The following SESTD1 variants were observed in gnomAD, a reference collection of about 807,000 sequenced individuals.
The protein encoded by SESTD1 is SEC14 and spectrin domain containing 1.
In SESTD1, 43 loss-of-function variants were observed where a neutral mutation model predicts 101.7. The observed-to-expected ratio is 0.42, with a 90% CI of 0.33 to 0.55. The LOEUF (loss-of-function observed/expected upper bound fraction) is 0.55, where lower values mean the gene tolerates loss of function less well. Ranked by LOEUF, SESTD1 falls within the 20% of genes least tolerant of loss-of-function variation. The pLI, the probability that SESTD1 is intolerant of heterozygous loss-of-function variation, is 0.07. For synonymous variants in SESTD1, 283 were observed against 286.8 expected, an observed-to-expected ratio of 0.99 and a Z score of 0.13; for missense variants, 647 against 815.1, an observed-to-expected ratio of 0.79 and a Z score of 2.51.
chr2:179,227,015 A>C (rs1437196926), intron 1 of SESTD1, among the ~76,000 whole-genome samples: 6 of 152,234 alleles, frequency 3.9e-5, no homozygotes, highest in African/African-American at 7.2e-5. Flanking sequence ...ATGTTAAATT[A>C]CATAGTTCAG....
At chr2:179,246,098 C>T (rs6433769) in intron 1 of SESTD1, among the ~76,000 whole-genome samples, 68,842 of 151,662 alleles carry the variant, frequency 0.45, 18,758 homozygotes, top group African/African-American at 0.77. Context: ...CTACTAAAAA[C>T]ACAAAAATTA....
chr2:179,141,683 TATGAC>T (rs2045278652), intron 9 of SESTD1, among the ~76,000 whole-genome samples: 1 of 152,134 alleles, frequency 6.6e-6, no homozygotes, highest in South Asian at 2.1e-4. Context: ...AAGAGGAGAC[TATGAC>T]ATAAGGACCT....
chr2:179,227,387 G>T (rs2046903643), intron 1 of SESTD1, among the ~76,000 whole-genome samples: 1 of 151,970 alleles, frequency 6.6e-6, no homozygotes, highest in Admixed American at 6.6e-5. Flanking sequence ...CCTCTCACTT[G>T]GCAGATTATC....
At chr2:179,230,111 CTCT>C (rs2046962221) in intron 1 of SESTD1, among the ~76,000 whole-genome samples, 1 of 80,358 alleles carries the variant, frequency 1.2e-5, no homozygotes, top group African/African-American at 3.6e-5. Flanking sequence ...TGGATTGTAT[CTCT>C]TTTTTTTTTT....
At position 179,206,388 on chromosome 2, in the gene SESTD1, C is replaced by G. The variant is rs755765035; in HGVS notation, c.-25-14522G>C. Among the ~76,000 whole-genome samples, 2 of 136,102 alleles carry G rather than the reference C, an allele frequency of 1.5e-5. 1 individual carries two copies. The highest frequency in any genetic ancestry group is 3.2e-5 in the Non-Finnish European group (2 of 63,020). The allele number at this position is 136,102 out of a possible 152,430, so 89.3% of individuals were successfully genotyped here. ...TGAACACACATCCCCACTGGGGAAC[C>G]CAAAAATCCAGATCATGGGAGAAGA... On this transcript the variant is annotated intron_variant, in intron 1 of 17. Coordinates refer to ENST00000428443, the MANE Select transcript of SESTD1 (RefSeq NM_178123.5).
chr2:179,220,126 C>G (rs1651389394), intron 1 of SESTD1, among the ~76,000 whole-genome samples: 1 of 152,076 alleles, frequency 6.6e-6, no homozygotes, highest in South Asian at 2.1e-4. Context: ...ATGGTAATGA[C>G]AGCCCACCAC....
chr2:179,153,541 A>T (rs2045569819), intron 5 of SESTD1, among the ~76,000 whole-genome samples: 1 of 152,154 alleles, frequency 6.6e-6, no homozygotes, highest in Non-Finnish European at 1.5e-5. Context: ...TGTATTTTCT[A>T]GTTGTGTCCA....
chr2:179,258,363 C>T (rs1213194674), intron 1 of SESTD1, among the ~76,000 whole-genome samples: 3 of 152,194 alleles, frequency 2.0e-5, no homozygotes, highest in African/African-American at 7.2e-5. Flanking sequence ...TTGTTTCATA[C>T]ATCCCTAGCA....
chr2:179,117,100 T>C (rs757804887), intron 14 of SESTD1, among the ~76,000 whole-genome samples: 1 of 152,224 alleles, frequency 6.6e-6, no homozygotes, highest in Non-Finnish European at 1.5e-5. Flanking sequence ...TTTGTGTTAC[T>C]ACATAAAATC....
chr2:179,111,724 T>TC (rs1352059189), intron 17 of SESTD1, among the ~76,000 whole-genome samples: 8 of 151,046 alleles, frequency 5.3e-5, no homozygotes, highest in Admixed American at 6.6e-5. Context: ...TGATTCTTTT[T>TC]TTTTTTTTTT....
intron 5 of SESTD1, among the ~76,000 whole-genome samples, chr2:179,165,920 T>C (rs1447536781): frequency 6.6e-6 from 1 of 152,038 alleles, no homozygotes; most frequent in Non-Finnish European, 1.5e-5. Flanking sequence ...CCAAAAAAAA[T>C]GCAAGTTAAT....
intron 9 of SESTD1, among the ~76,000 whole-genome samples, chr2:179,135,231 C>T (rs2045112856): frequency 1.3e-5 from 2 of 152,032 alleles, no homozygotes; most frequent in Non-Finnish European, 2.9e-5. Flanking sequence ...GTGTGAGCCA[C>T]CGCCCCCCGG....
rs150556515 is a variant in SESTD1, at chr2:179,182,367, T to G, written c.164+713A>C. On this transcript the variant is annotated intron_variant, in intron 3 of 17. Coordinates refer to ENST00000428443, the MANE Select transcript of SESTD1 (RefSeq NM_178123.5). ...TACACAGGAAGCTTAAAAGACTTTT[T>G]AAAAATTCTGATAAGCAGGCTTCCC... Among the ~76,000 whole-genome samples, 244 of 152,252 alleles carry G rather than the reference T, an allele frequency of 1.6e-3. 1 individual carries two copies. Among genetic ancestry groups the G allele is most frequent in the African/African-American group, 5.6e-3 (232 of 41,558 alleles).
rs566984582 is a variant in SESTD1, at chr2:179,108,564, A to G, written c.*1335T>C. Reference sequence around the variant, plus strand: ...CCAAGAAGTCTGTCAGTCAGTGAAGAAGGCTGGAAAAACTAGCAGGTTAAA... The same window carrying G: ...CCAAGAAGTCTGTCAGTCAGTGAAGGAGGCTGGAAAAACTAGCAGGTTAAA... On this transcript the variant is annotated 3_prime_UTR_variant, in exon 18 of 18. Transcript: ENST00000428443. 9.6e-4 allele frequency: 146 copies of G among 151,892 alleles called. 1 individual carries two copies. The highest frequency in any genetic ancestry group is 3.2e-3 in the African/African-American group (131 of 41,510). The allele number at this position is 151,892 out of a possible 1,614,324, so 9.4% of individuals were successfully genotyped here. A position where few individuals can be genotyped will look rare whatever the true frequency, so the allele number is the denominator to read the frequency against.
chr2:179,175,412 AC>A (rs1452409516), intron 4 of SESTD1, among the ~76,000 whole-genome samples: 2 of 152,170 alleles, frequency 1.3e-5, no homozygotes, highest in African/African-American at 4.8e-5. Flanking sequence ...TAAAGTAGCT[AC>A]CTTATTTGTT....
chr2:179,117,462 T>C (rs1240473218), intron 14 of SESTD1, 70 bp downstream of exon 14: 4 of 1,354,614 alleles, frequency 3.0e-6, no homozygotes, highest in Admixed American at 2.6e-5. Flanking sequence ...AAGTACACTT[T>C]TGTTTGTAGT....
At chr2:179,145,529 A>AT (rs1243624219) in intron 8 of SESTD1, among the ~76,000 whole-genome samples, 7 of 152,242 alleles carry the variant, frequency 4.6e-5, no homozygotes, top group African/African-American at 7.2e-5. Flanking sequence ...CAGAAATAAA[A>AT]TTGAGGTATT....
chr2:179,176,599 C>T (rs1251398891), intron 3 of SESTD1, 61 bp from the exon 4 acceptor site: 1 of 1,379,092 alleles, frequency 7.3e-7, no homozygotes, highest in East Asian at 2.4e-5. Flanking sequence ...CTTCATAATT[C>T]TAAATAAAGA....
At chr2:179,154,193 T>C (rs2045582502) in intron 5 of SESTD1, among the ~76,000 whole-genome samples, 2 of 149,450 alleles carry the variant, frequency 1.3e-5, no homozygotes, top group Admixed American at 1.3e-4. Context: ...ATTGCACCAC[T>C]GCACTCCAGC....
Sources: allele counts gnomAD v4.1 joint callset (sites outside exome capture counted in the v4.1 genomes callset), GRCh38; gene constraint gnomAD v4.1.1; transcripts MANE v1.5; gene names NCBI Gene and HGNC (gene_info 2026-07-23, HGNC 2026-07-21).